The following EGF variants were observed in gnomAD, a reference collection of about 807,000 sequenced individuals.
EGF encodes pro-epidermal growth factor.
In EGF, 95 loss-of-function variants were observed where a neutral mutation model predicts 143.8. The ratio of observed to expected loss-of-function variants is 0.66; its 90% CI spans 0.56 to 0.78. The LOEUF (loss-of-function observed/expected upper bound fraction) is 0.78, where lower values mean the gene tolerates loss of function less well. Ranked by LOEUF, EGF falls within the 30% of genes least tolerant of loss-of-function variation. The probability of loss-of-function intolerance (pLI) is 0.00; values close to 1 mark genes in which losing one functional copy is unlikely to be tolerated. For synonymous variants in EGF, 510 were observed against 510.5 expected, an observed-to-expected ratio of 1.00 and a Z score of 0.01; for missense variants, 1,320 against 1,470.9, an observed-to-expected ratio of 0.90 and a Z score of 1.68.
intron 13 of EGF, 151 bp downstream of exon 13, chr4:109,976,386 A>G (rs569894750): frequency 2.3e-5 from 17 of 748,412 alleles, no homozygotes; most frequent in South Asian, 1.8e-4. Flanking sequence ...TGAGCTGCAA[A>G]GCTTACCTTA....
chr4:109,986,945 T>A (rs916181357), intron 16 of EGF, among the ~76,000 whole-genome samples: 1 of 152,226 alleles, frequency 6.6e-6, no homozygotes, highest in African/African-American at 2.4e-5. Flanking sequence ...GTGACATACA[T>A]ATTCTATTAT....
chr4:109,973,628 C>T (rs1748020116), intron 11 of EGF, among the ~76,000 whole-genome samples: 1 of 151,814 alleles, frequency 6.6e-6, no homozygotes, highest in African/African-American at 2.4e-5. Context: ...CCTTTCCCTC[C>T]ACCTTTTCTT....
At chr4:109,999,456 T>C (rs775781405) in intron 20 of EGF, among the ~76,000 whole-genome samples, 40 of 152,070 alleles carry the variant, frequency 2.6e-4, no homozygotes, top group Non-Finnish European at 5.4e-4. Flanking sequence ...ATGCAAATAA[T>C]CCCCCATAAA....
At chr4:109,944,265 C>T (rs369238712) in intron 4 of EGF, among the ~76,000 whole-genome samples, 196 bp downstream of exon 4, 74 of 152,272 alleles carry the variant, frequency 4.9e-4, no homozygotes, top group African/African-American at 1.4e-3. Context: ...CGGTGAAACC[C>T]CGTCTCTACT....
intron 1 of EGF, among the ~76,000 whole-genome samples, chr4:109,929,326 T>C (rs902875015): frequency 2.0e-5 from 3 of 152,142 alleles, no homozygotes; most frequent in African/African-American, 7.2e-5. Flanking sequence ...TTCTGTAAAA[T>C]AGAGATGTTG....
Position 109,980,077 on chromosome 4 carries a change from G to T in EGF, c.2159G>T (p.Arg720Leu). ...VNKRTGKDRV[R>L]LQGSMLKPSS... ...AAGAGGACTGGCAAAGATAGAGTAC[G>T]TCTCCAAGGCAGCATGCTGAAGCCC... Residue 720 changes from arginine (R) to leucine (L), a missense_variant, in exon 14 of 24, where the codon CGT (arginine) becomes CTT (leucine). Physicochemically the swap from Arg to Leu is moderately radical, Grantham distance 102 (BLOSUM62 -2). Coordinates refer to ENST00000265171, the MANE Select transcript of EGF (RefSeq NM_001963.6). 1 of 1,613,962 alleles carries T rather than the reference G, an allele frequency of 6.2e-7. No individual in the cohort carries two copies.
chr4:109,998,559 T>C (rs1005009125), intron 20 of EGF, among the ~76,000 whole-genome samples: 1 of 152,192 alleles, frequency 6.6e-6, no homozygotes, highest in Non-Finnish European at 1.5e-5. Context: ...TAAAAGTGCC[T>C]AGCAGGATGT....
At position 109,995,828 on chromosome 4, in the gene EGF, T is replaced by G. The variant is rs1751718981; in HGVS notation, c.3005+948T>G. On this transcript the variant is annotated intron_variant, in intron 20 of 23. Coordinates refer to ENST00000265171, the MANE Select transcript of EGF (RefSeq NM_001963.6). ...TAATAATGAACAGAATAACTAAATT[T>G]GTGGAAGAGTAAGCTATATTCTGTG... Among the ~76,000 whole-genome samples, 3 of 152,218 alleles carry G rather than the reference T, an allele frequency of 2.0e-5. No homozygotes were observed. In the South Asian group the frequency reaches 6.2e-4, roughly 32 times the overall value.
chr4:109,973,235 C>T (rs1747949083), intron 11 of EGF, among the ~76,000 whole-genome samples: 1 of 152,176 alleles, frequency 6.6e-6, no homozygotes, highest in Non-Finnish European at 1.5e-5. Flanking sequence ...TCTTCTGCTA[C>T]TGTTTTATCT....
chr4:109,941,025 G>A lies in EGF; in HGVS notation c.207G>A (p.Leu69=). ...IDTEGTNYEQ[L]VVDAGVSVIM... ...CAGAAGGAACCAATTATGAGCAATT[G>A]GTGGTGGATGCTGGTGTCTCAGTGA... is the stretch of plus-strand genomic sequence containing the variant. Residue 69 remains leucine, a synonymous_variant, in exon 2 of 24, where the codon TTG becomes TTA. Transcript: ENST00000265171. The A allele has an allele frequency of 6.2e-7, 1 of 1,614,022 alleles. No homozygotes were observed. The highest frequency in any genetic ancestry group is 8.5e-7 in the Non-Finnish European group (1 of 1,179,960).
intron 8 of EGF, among the ~76,000 whole-genome samples, chr4:109,962,188 C>G (rs929446): frequency 6.6e-6 from 1 of 152,008 alleles, no homozygotes; most frequent in Non-Finnish European, 1.5e-5. Context: ...GACAGCATAG[C>G]GTCTAACTTA....
intron 1 of EGF, among the ~76,000 whole-genome samples, chr4:109,933,470 C>T (rs545250281): frequency 6.0e-5 from 9 of 150,552 alleles, no homozygotes; most frequent in African/African-American, 7.3e-5. Context: ...ATGTGCACAA[C>T]GTGCAGGTTT....
At chr4:109,916,215 G>A (rs1736625038) in intron 1 of EGF, among the ~76,000 whole-genome samples, 1 of 152,160 alleles carries the variant, frequency 6.6e-6, no homozygotes, top group Admixed American at 6.5e-5. Flanking sequence ...CTAAGGCGTG[G>A]TCAGCATCCC....
intron 16 of EGF, among the ~76,000 whole-genome samples, chr4:109,986,919 A>G (rs1336212250): frequency 6.6e-6 from 1 of 152,210 alleles, no homozygotes; most frequent in Non-Finnish European, 1.5e-5. Context: ...ATAAATCTTG[A>G]TAATAAACAC....
At chr4:110,005,873 C>T (rs1753210582) in intron 22 of EGF, among the ~76,000 whole-genome samples, 1 of 152,166 alleles carries the variant, frequency 6.6e-6, no homozygotes, top group Non-Finnish European at 1.5e-5. Flanking sequence ...GTTTGGGGTC[C>T]TTCCCACATT....
chr4:109,973,939 T>C (rs1031196483), intron 11 of EGF, among the ~76,000 whole-genome samples: 3 of 152,174 alleles, frequency 2.0e-5, no homozygotes, highest in African/African-American at 7.2e-5. Flanking sequence ...TATCTACAGC[T>C]TCCACATCTG....
intron 20 of EGF, 130 bp downstream of exon 20, chr4:109,995,010 C>T (rs1751569912): frequency 9.0e-7 from 1 of 1,110,222 alleles, no homozygotes; most frequent in South Asian, 1.3e-5. Flanking sequence ...TATAAACATA[C>T]ACATATGAAC....
intron 2 of EGF, among the ~76,000 whole-genome samples, chr4:109,942,679 G>C (rs942496081): frequency 6.6e-6 from 1 of 152,150 alleles, no homozygotes; most frequent in South Asian, 2.1e-4. Flanking sequence ...AAAGAGTTGG[G>C]AATACAGCCA....
intron 5 of EGF, among the ~76,000 whole-genome samples, chr4:109,957,646 C>A (rs2126047668): frequency 6.6e-6 from 1 of 152,318 alleles, no homozygotes; most frequent in East Asian, 1.9e-4. Flanking sequence ...AGAAACCAAG[C>A]CTATTTGGAG....
Sources: allele counts gnomAD v4.1 joint callset (sites outside exome capture counted in the v4.1 genomes callset), GRCh38; gene constraint gnomAD v4.1.1; transcripts MANE v1.5; gene names NCBI Gene and HGNC (gene_info 2026-07-23, HGNC 2026-07-21).